The following CEP57 variants were observed in gnomAD, a reference collection of about 807,000 sequenced individuals.
The protein encoded by CEP57 is centrosomal protein 57, also known as centrosomal protein of 57 kDa.
Under a neutral mutation model 68.0 loss-of-function variants are expected in CEP57, and 40 were observed. That is an observed-to-expected ratio of 0.59 (90% CI 0.46 to 0.77). The LOEUF is 0.77. Among genes scored for constraint, CEP57 ranks in the 30% least tolerant of loss-of-function variants. CEP57 has a pLI of 0.00. For missense variants in CEP57, 606 were observed against 580.7 expected, an observed-to-expected ratio of 1.04 and a Z score of -0.45; for synonymous variants, 219 against 198.7, an observed-to-expected ratio of 1.10 and a Z score of -0.86.
At chr11:95,827,141 G>A (rs1017988710) in intron 8 of CEP57, 1 of 152,390 alleles carries the variant, frequency 6.6e-6, no homozygotes, top group Non-Finnish European at 1.5e-5. Context: ...CATTGAGATT[G>A]TTGGTTTAGT....
At chr11:95,794,121 C>A in intron 1 of CEP57, 2 of 346,638 alleles carry the variant, frequency 5.8e-6, no homozygotes, top group South Asian at 2.2e-5. Flanking sequence ...TAAAATAGTG[C>A]CATTCTTTTC....
At chr11:95,799,070 T>C (rs952635934) in intron 1 of CEP57, among the ~76,000 whole-genome samples, 162 bp from the exon 2 acceptor site, 1 of 152,366 alleles carries the variant, frequency 6.6e-6, no homozygotes, top group East Asian at 1.9e-4. Context: ...TGAAACACTT[T>C]AAAAGTTGTA....
intron 2 of CEP57, among the ~76,000 whole-genome samples, chr11:95,810,721 T>C (rs1862021143): frequency 6.6e-6 from 1 of 152,164 alleles, no homozygotes; most frequent in Non-Finnish European, 1.5e-5. Context: ...TGGAAGAACA[T>C]TCCATACTCA....
At chr11:95,825,610 T>A (rs1400707497) in intron 8 of CEP57, 1 of 147,914 alleles carries the variant, frequency 6.8e-6, no homozygotes. Flanking sequence ...TTTTTTTTTT[T>A]TTTTGAGACG....
At chr11:95,796,332 C>T (rs1327564626) in intron 1 of CEP57, among the ~76,000 whole-genome samples, 1 of 152,152 alleles carries the variant, frequency 6.6e-6, no homozygotes, top group African/African-American at 2.4e-5. Context: ...AAAGTTTCTC[C>T]TACAATCATA....
chr11:95,822,751 A>AG (rs1862568668), intron 8 of CEP57, 175 bp downstream of exon 8: 1 of 639,408 alleles, frequency 1.6e-6, no homozygotes, highest in East Asian at 2.8e-5. Context: ...TAGGGAAGCA[A>AG]GGAAGAGATG....
At chr11:95,790,359 C>A (rs1332219944), upstream of CEP57, 1 of 440,836 alleles carries the variant, frequency 2.3e-6, no homozygotes, top group Non-Finnish European at 4.1e-6. Flanking sequence ...GGCCTGTAAC[C>A]CCGGCGTTGT....
At chr11:95,792,607 C>G (rs546782708) in intron 1 of CEP57, among the ~76,000 whole-genome samples, 1 of 152,358 alleles carries the variant, frequency 6.6e-6, no homozygotes, top group Non-Finnish European at 1.5e-5. Context: ...ATACCAAAGA[C>G]TGTTCATTAG....
rs374700509 is a variant in CEP57, at chr11:95,818,833, A to G, written c.628A>G (p.Met210Val). Residue 210 changes from methionine to valine, a missense_variant, in exon 6 of 11, where the codon ATG becomes GTG. Coordinates refer to ENST00000325542, the MANE Select transcript of CEP57 (RefSeq NM_014679.5). ...TTMQALAEKK[M>V]QELEAKLHEE... The stretch of plus-strand genomic sequence containing the variant: ...TTGACATTTTTATCACTAGAAAAAA[A>G]TGCAAGAGTTGGAAGCAAAACTCCA... The G allele has an allele frequency of 1.5e-5, 24 of 1,613,698 alleles. No homozygotes were observed. Among genetic ancestry groups the G allele is most frequent in the Non-Finnish European group, 2.0e-5 (24 of 1,179,748 alleles).
At chr11:95,797,875 T>G (rs987768635) in intron 1 of CEP57, among the ~76,000 whole-genome samples, 3 of 152,230 alleles carry the variant, frequency 2.0e-5, no homozygotes, top group Non-Finnish European at 4.4e-5. Flanking sequence ...TTTTGAATAT[T>G]AAATGATAGG....
At chr11:95,803,106 A>C (rs1272921706) in intron 2 of CEP57, among the ~76,000 whole-genome samples, 1 of 152,220 alleles carries the variant, frequency 6.6e-6, no homozygotes, top group Non-Finnish European at 1.5e-5. Context: ...CAGGAGACTG[A>C]TTAAGGAAAG....
At chr11:95,828,108 T>TA (rs1862831929) in intron 9 of CEP57, 81 bp downstream of exon 9, 1 of 1,491,162 alleles carries the variant, frequency 6.7e-7, no homozygotes, top group African/African-American at 1.4e-5. Flanking sequence ...TATTAAATCT[T>TA]ACTTTCCTTT....
upstream of CEP57, chr11:95,790,153 CA>C (rs1373658216): frequency 5.8e-6 from 1 of 171,494 alleles, no homozygotes; most frequent in African/African-American, 2.4e-5. Context: ...GTAAATACTT[CA>C]CCTGGAGAGG....
chr11:95,800,857 C>T (rs1861547446), intron 2 of CEP57, among the ~76,000 whole-genome samples: 1 of 152,170 alleles, frequency 6.6e-6, no homozygotes, highest in Non-Finnish European at 1.5e-5. Flanking sequence ...TCATCTGTAT[C>T]TTTTAAAATA....
At chr11:95,814,654 C>G (rs1789309) in intron 4 of CEP57, among the ~76,000 whole-genome samples, 1 of 152,246 alleles carries the variant, frequency 6.6e-6, no homozygotes, top group Non-Finnish European at 1.5e-5. Flanking sequence ...GCCACCACGC[C>G]CGGCCAGCCT....
chr11:95,793,653 A>T (rs1243795650), intron 1 of CEP57, among the ~76,000 whole-genome samples: 1 of 152,240 alleles, frequency 6.6e-6, no homozygotes, highest in African/African-American at 2.4e-5. Context: ...TAATCCTTAA[A>T]GACCCTTTTC....
intron 2 of CEP57, among the ~76,000 whole-genome samples, chr11:95,802,210 G>GTTCA (rs1329994384): frequency 3.3e-5 from 5 of 151,112 alleles, no homozygotes; most frequent in Non-Finnish European, 7.4e-5. Flanking sequence ...AAGAAGAAAA[G>GTTCA]TTCAACAAGA....
intron 2 of CEP57, among the ~76,000 whole-genome samples, chr11:95,808,003 A>T (rs1443371972): frequency 6.6e-6 from 1 of 152,372 alleles, no homozygotes; most frequent in East Asian, 1.9e-4. Flanking sequence ...GAAGCCCATC[A>T]GACTAACAGC....
chr11:95,804,484 A>G (rs1246756677), intron 2 of CEP57, among the ~76,000 whole-genome samples: 2 of 152,158 alleles, frequency 1.3e-5, no homozygotes, highest in Non-Finnish European at 2.9e-5. Flanking sequence ...GCGACTGGAG[A>G]ACAAAGCTCT....
Sources: gnomAD v4.1 joint callset for allele counts (sites outside exome capture counted in the v4.1 genomes callset) on GRCh38, gnomAD v4.1.1 for gene constraint, MANE v1.5 for transcripts, NCBI Gene and HGNC (gene_info 2026-07-23, HGNC 2026-07-21) for gene names.